PFKFB2: variants seen among roughly 807,000 people sequenced by gnomAD.
PFKFB2 encodes 6-phosphofructo-2-kinase/fructose-2,6-biphosphatase 2, also known as 6-phosphofructo-2-kinase/fructose-2,6-bisphosphatase 2.
Under a neutral mutation model 68.0 loss-of-function variants are expected in PFKFB2, and 53 were observed. The observed-to-expected ratio is 0.78, with a 90% CI of 0.63 to 0.98. The LOEUF is 0.98. Among genes scored for constraint, PFKFB2 ranks in the 50% least tolerant of loss-of-function variants. The pLI is 0.00. For missense variants in PFKFB2, 451 were observed against 642.0 expected (o/e 0.70, Z 3.22); for synonymous variants, 222 against 227.6 (o/e 0.98, Z 0.22).
rs1683595602 is a variant in PFKFB2 at position 207,075,475 on chromosome 1, TC to T, written c.*3106del. The stretch of plus-strand genomic sequence containing the variant: ...TCAGCTCTACTTCTCATCTTTTCTC[TC>T]CTGGTCTTACTTGAATGCATGTTGG... On this transcript the variant is annotated 3_prime_UTR_variant, in exon 15 of 15. Transcript: ENST00000367080. 1 of 985,348 alleles carries T rather than the reference TC, an allele frequency of 1.0e-6. No individual in the cohort carries two copies. The allele number at this position is 985,348 out of a possible 1,614,324, so 61.0% of individuals were successfully genotyped here. A position where few individuals can be genotyped will look rare whatever the true frequency, so the allele number is the denominator to read the frequency against.
upstream of PFKFB2, chr1:207,050,865 C>G (rs778687294): frequency 6.2e-7 from 1 of 1,611,426 alleles, no homozygotes; most frequent in Non-Finnish European, 8.5e-7. Context: ...ACATGGGTGC[C>G]GTCCTTGGCC....
rs993749582 is a variant in PFKFB2, at chr1:207,075,581, G to A, written c.*3210G>A. The A allele has an allele frequency of 3.3e-5, 33 of 985,240 alleles. No homozygotes were observed. Among genetic ancestry groups the A allele is most frequent in the Non-Finnish European group, 4.0e-5 (33 of 829,890 alleles). The allele number at this position is 985,240 out of a possible 1,614,324, so 61.0% of individuals were successfully genotyped here. ...TGGACTTAAAAGTACTCTCTGCTGA[G>A]GCTGTAAGTTTTGTTTTGTGAGAAA... is the stretch of plus-strand genomic sequence containing the variant. On this transcript the variant is annotated 3_prime_UTR_variant, in exon 15 of 15. Transcript: ENST00000367080.
chr1:207,062,442 T>C, intron 3 of PFKFB2, 178 bp from the exon 4 acceptor site: 2 of 948,242 alleles, frequency 2.1e-6, no homozygotes, highest in Admixed American at 4.8e-5. Flanking sequence ...GTCCAAGGTC[T>C]AGAAAGTCAG....
intron 2 of PFKFB2, chr1:207,046,411 CT>C (rs1467506346): frequency 6.6e-6 from 1 of 152,006 alleles, no homozygotes; most frequent in East Asian, 1.9e-4. Flanking sequence ...AAGCAAACCC[CT>C]GTAAATTCTG....
intron 4 of PFKFB2, 143 bp downstream of exon 4, chr1:207,062,859 G>C: frequency 1.2e-6 from 1 of 836,206 alleles, no homozygotes; most frequent in Non-Finnish European, 1.9e-6. Context: ...GTGACCTTGG[G>C]CTTGGGTGGT....
intron 7 of PFKFB2, among the ~76,000 whole-genome samples, chr1:207,064,611 T>C (rs1157456002): frequency 6.6e-6 from 1 of 152,168 alleles, no homozygotes; most frequent in African/African-American, 2.4e-5. Flanking sequence ...CATGGTCTTA[T>C]GCAGGTGCTC....
At chr1:207,045,197 T>G (rs1264997889) in intron 2 of PFKFB2, 1 of 152,428 alleles carries the variant, frequency 6.6e-6, no homozygotes, top group Admixed American at 6.5e-5. Context: ...GTTTTAAGGA[T>G]CGAATCTTTT....
At chr1:207,039,152 G>T (rs1188820298) in intron 1 of PFKFB2, among the ~76,000 whole-genome samples, 1 of 152,158 alleles carries the variant, frequency 6.6e-6, no homozygotes, top group Non-Finnish European at 1.5e-5. Context: ...TTGGCAGTAT[G>T]TCAACATAAT....
intron 2 of PFKFB2, among the ~76,000 whole-genome samples, chr1:207,057,370 C>G (rs544982731): frequency 6.9e-6 from 1 of 145,188 alleles, no homozygotes; most frequent in African/African-American, 2.6e-5. Flanking sequence ...CCCAGCTACT[C>G]GGGAAGCTGA....
upstream of PFKFB2, chr1:207,050,736 C>A: frequency 6.2e-7 from 1 of 1,613,370 alleles, no homozygotes; most frequent in Non-Finnish European, 8.5e-7. Context: ...TTGCTGAGAT[C>A]CAGGCACTCG....
At position 207,065,937 on chromosome 1, in the gene PFKFB2, A is replaced by T. The variant is rs935093382; in HGVS notation, c.632+777A>T. ...TATCTGAATGGGGGTGTTGTAGGAT[A>T]CCCTTTGGAGATGTGTCATCAGTTT... On this transcript the variant is annotated intron_variant, in intron 8 of 14. Coordinates refer to ENST00000367080, the MANE Select transcript of PFKFB2 (RefSeq NM_006212.2). Among the ~76,000 whole-genome samples the T allele has an allele frequency of 2.0e-5, 3 of 152,254 alleles. No individual in the cohort carries two copies. The East Asian group carries it at 5.8e-4, about 29-fold the overall frequency.
At chr1:207,069,014 G>C (rs1038721793) in intron 10 of PFKFB2, among the ~76,000 whole-genome samples, 9 of 152,058 alleles carry the variant, frequency 5.9e-5, no homozygotes, top group Non-Finnish European at 1.2e-4. Context: ...CAAAGTGTTG[G>C]GATTACAGGC....
downstream of PFKFB2, chr1:207,079,091 C>A (rs1683702612): frequency 5.3e-6 from 7 of 1,316,962 alleles, no homozygotes; most frequent in Non-Finnish European, 7.6e-6. Flanking sequence ...GTCAGCTTCA[C>A]AGAGGCTAGA....
intron 2 of PFKFB2, among the ~76,000 whole-genome samples, chr1:207,055,938 A>G (rs1682907727): frequency 6.6e-6 from 1 of 152,204 alleles, no homozygotes; most frequent in South Asian, 2.1e-4. Flanking sequence ...GCCAGGTGCT[A>G]AGGGCAGAAT....
intron 8 of PFKFB2, among the ~76,000 whole-genome samples, chr1:207,066,917 G>T (rs1450648485): frequency 6.6e-6 from 1 of 152,188 alleles, no homozygotes; most frequent in Non-Finnish European, 1.5e-5. Context: ...CTCCCAAAGT[G>T]CTAGGATTAC....
chr1:207,036,746 T>C (rs934387888), intron 1 of PFKFB2, among the ~76,000 whole-genome samples: 1 of 152,204 alleles, frequency 6.6e-6, no homozygotes, highest in African/African-American at 2.4e-5. Context: ...CTGTCATCCA[T>C]TGTGTGTGCT....
chr1:207,061,038 TTAAA>T (rs919426784), intron 2 of PFKFB2: 3 of 139,844 alleles, frequency 2.1e-5, no homozygotes, highest in Non-Finnish European at 4.6e-5. Flanking sequence ...TATAAATATC[TTAAA>T]TATATATATT....
intron 2 of PFKFB2, among the ~76,000 whole-genome samples, chr1:207,056,024 C>T (rs909947202): frequency 3.3e-5 from 5 of 152,098 alleles, no homozygotes; most frequent in South Asian, 2.1e-4. Flanking sequence ...GTTTGAATCC[C>T]GGGTTTATGA....
chr1:207,055,385 T>C (rs956481740), intron 2 of PFKFB2, among the ~76,000 whole-genome samples: 2 of 152,194 alleles, frequency 1.3e-5, no homozygotes, highest in African/African-American at 2.4e-5. Flanking sequence ...AGGACAGCTT[T>C]CACATGAGCA....
Sources: allele counts gnomAD v4.1 joint callset (sites outside exome capture counted in the v4.1 genomes callset), GRCh38; gene constraint gnomAD v4.1.1; transcripts MANE v1.5; gene names NCBI Gene and HGNC (gene_info 2026-07-23, HGNC 2026-07-21).